SLC35F1: variants seen among roughly 807,000 people sequenced by gnomAD.
SLC35F1 encodes solute carrier family 35 member F1, also known as chromosome 6 open reading frame 169.
In SLC35F1, 14 loss-of-function variants were observed where a neutral mutation model predicts 48.7. The observed-to-expected ratio is 0.29, with a 90% CI of 0.19 to 0.45. SLC35F1 has a LOEUF of 0.45. Among genes scored for constraint, SLC35F1 ranks in the 20% least tolerant of loss-of-function variants. The probability of loss-of-function intolerance (pLI) is 1.00; values close to 1 mark genes in which losing one functional copy is unlikely to be tolerated. For missense variants in SLC35F1, 404 were observed against 500.0 expected, an observed-to-expected ratio of 0.81 and a Z score of 1.83; for synonymous variants, 190 against 202.2, an observed-to-expected ratio of 0.94 and a Z score of 0.51.
chr6:118,214,361 T>C (rs753655436), intron 2 of SLC35F1, among the ~76,000 whole-genome samples: 1 of 152,190 alleles, frequency 6.6e-6, no homozygotes, highest in Non-Finnish European at 1.5e-5. Context: ...TTTCACTCTA[T>C]GAAAACATAA....
In SLC35F1 at chr6:118,099,947, T is replaced by A. The variant is rs73514596; in HGVS notation, c.174-54498T>A. On this transcript the variant is annotated intron_variant, in intron 1 of 7. Transcript: ENST00000360388. ...ATTGGTATTCCTGGTTTCTTGGTTA[T>A]TTTTTAATAAAAAAGCAACGCATTA... is the stretch of plus-strand genomic sequence containing the variant. 4.3e-3 allele frequency among the ~76,000 whole-genome samples: 654 copies of A among 152,328 alleles called. 6 individuals carry two copies. Among genetic ancestry groups the A allele is most frequent in the African/African-American group, 0.015 (627 of 41,560 alleles).
At chr6:118,008,737 G>A (rs1193675022) in intron 1 of SLC35F1, among the ~76,000 whole-genome samples, 1 of 152,152 alleles carries the variant, frequency 6.6e-6, no homozygotes, top group East Asian at 1.9e-4. Flanking sequence ...CTAAGCAGAT[G>A]GTCAGTGACA....
At chr6:118,186,403 C>A (rs1774657764) in intron 2 of SLC35F1, among the ~76,000 whole-genome samples, 1 of 149,396 alleles carries the variant, frequency 6.7e-6, no homozygotes, top group Admixed American at 6.8e-5. Flanking sequence ...TTCTCAGGTG[C>A]ACAGTTCCAG....
intron 1 of SLC35F1, among the ~76,000 whole-genome samples, chr6:117,911,592 T>C (rs1378231413): frequency 6.6e-6 from 1 of 151,848 alleles, no homozygotes; most frequent in Non-Finnish European, 1.5e-5. Context: ...CACACCACCA[T>C]GCCTGGCTAT....
At chr6:117,915,568 A>T (rs1466353835) in intron 1 of SLC35F1, among the ~76,000 whole-genome samples, 1 of 152,202 alleles carries the variant, frequency 6.6e-6, no homozygotes, top group Non-Finnish European at 1.5e-5. Flanking sequence ...TTAAGTGTCC[A>T]GTTTGACAAT....
chr6:117,922,073 C>G (rs1775906780), intron 1 of SLC35F1, among the ~76,000 whole-genome samples: 2 of 152,148 alleles, frequency 1.3e-5, no homozygotes, highest in African/African-American at 4.8e-5. Flanking sequence ...TGCTATTGAG[C>G]AAGCATGTAA....
chr6:118,154,823 A>C (rs1040138344), intron 2 of SLC35F1, among the ~76,000 whole-genome samples: 1 of 152,248 alleles, frequency 6.6e-6, no homozygotes, highest in Non-Finnish European at 1.5e-5. Flanking sequence ...TTCAGCAAGA[A>C]GTGGGAACTG....
At chr6:118,160,302 G>A (rs1271328753) in intron 2 of SLC35F1, among the ~76,000 whole-genome samples, 2 of 152,088 alleles carry the variant, frequency 1.3e-5, no homozygotes, top group East Asian at 3.9e-4. Flanking sequence ...GTGTTCTTAC[G>A]AGCTCTTCCA....
chr6:118,000,818 G>GAGCC (rs1259811169), intron 1 of SLC35F1, among the ~76,000 whole-genome samples: 1 of 152,146 alleles, frequency 6.6e-6, no homozygotes, highest in African/African-American at 2.4e-5. Flanking sequence ...GACAAACAGA[G>GAGCC]AGCCAAATCA....
At chr6:117,996,897 A>G (rs1403872428) in intron 1 of SLC35F1, among the ~76,000 whole-genome samples, 1 of 152,230 alleles carries the variant, frequency 6.6e-6, no homozygotes, top group African/African-American at 2.4e-5. Context: ...ACAGTTCCTC[A>G]CCAGCAACGA....
intron 1 of SLC35F1, among the ~76,000 whole-genome samples, chr6:118,050,130 C>G (rs1286258100): frequency 6.6e-6 from 1 of 152,190 alleles, no homozygotes; most frequent in African/African-American, 2.4e-5. Flanking sequence ...AAACCAAACA[C>G]CACATGTTCT....
At chr6:117,944,968 C>T (rs1776278044) in intron 1 of SLC35F1, among the ~76,000 whole-genome samples, 1 of 152,096 alleles carries the variant, frequency 6.6e-6, no homozygotes, top group Admixed American at 6.6e-5. Flanking sequence ...TAACTGAGTG[C>T]CTGCTCTGTG....
At chr6:118,086,937 T>C (rs971961531) in intron 1 of SLC35F1, among the ~76,000 whole-genome samples, 1 of 152,198 alleles carries the variant, frequency 6.6e-6, no homozygotes, top group Non-Finnish European at 1.5e-5. Flanking sequence ...TATTCTGACA[T>C]CTCTGCTATC....
intron 1 of SLC35F1, among the ~76,000 whole-genome samples, chr6:118,139,610 T>C (rs888372464): frequency 7.2e-5 from 11 of 152,184 alleles, no homozygotes; most frequent in African/African-American, 2.7e-4. Context: ...TTTTGGGTTG[T>C]TGGTGGCCAT....
In SLC35F1 at chr6:118,083,986, A is replaced by G. The variant is rs141857159; in HGVS notation, c.174-70459A>G. On this transcript the variant is annotated intron_variant, in intron 1 of 7. Transcript: ENST00000360388. ...AACACTTTAGAATTAGTTGTGTGAC[A>G]GATTGTAAGCCCTTTACATGTGTAT... 1.0e-3 allele frequency among the ~76,000 whole-genome samples: 158 copies of G among 152,350 alleles called. 1 individual carries two copies. The highest frequency in any genetic ancestry group is 3.8e-3 in the African/African-American group (157 of 41,596).
At chr6:118,273,981 G>T (rs1476308200) in intron 4 of SLC35F1, among the ~76,000 whole-genome samples, 1 of 152,146 alleles carries the variant, frequency 6.6e-6, no homozygotes, top group African/African-American at 2.4e-5. Flanking sequence ...CAGATTCTTT[G>T]ATGTGAAGCC....
At chr6:118,129,751 A>C (rs1023307898) in intron 1 of SLC35F1, among the ~76,000 whole-genome samples, 6 of 152,194 alleles carry the variant, frequency 3.9e-5, no homozygotes, top group African/African-American at 1.4e-4. Flanking sequence ...GATAAATATG[A>C]ATACCAAGTC....
intron 2 of SLC35F1, among the ~76,000 whole-genome samples, chr6:118,178,528 G>T (rs1774526150): frequency 6.6e-6 from 1 of 151,970 alleles, no homozygotes; most frequent in South Asian, 2.1e-4. Context: ...CTTTTAAGGG[G>T]GAGGAGGGAG....
chr6:118,176,690 A>G (rs1774493674), intron 2 of SLC35F1, among the ~76,000 whole-genome samples: 1 of 152,144 alleles, frequency 6.6e-6, no homozygotes. Context: ...GACAAAGCTA[A>G]CGTAGCTAAG....
Sources: gnomAD v4.1 joint callset for allele counts (sites outside exome capture counted in the v4.1 genomes callset) on GRCh38, gnomAD v4.1.1 for gene constraint, MANE v1.5 for transcripts, NCBI Gene and HGNC (gene_info 2026-07-23, HGNC 2026-07-21) for gene names.